CTNNA2: variants seen among roughly 807,000 people sequenced by gnomAD.
CTNNA2 encodes the protein catenin alpha-2.
In CTNNA2, 42 loss-of-function variants were observed where a neutral mutation model predicts 101.0. That is an observed-to-expected ratio of 0.42 (90% CI 0.32 to 0.54). The LOEUF (loss-of-function observed/expected upper bound fraction) is 0.54. CTNNA2 is among the 20% of genes least tolerant of loss of function. CTNNA2 has a pLI of 0.14. For missense variants in CTNNA2, 871 were observed against 1,223.1 expected (o/e 0.71, Z 4.29); for synonymous variants, 450 against 456.4 (o/e 0.99, Z 0.18).
At chr2:80,121,461 A>G (rs374713897) in intron 7 of CTNNA2, among the ~76,000 whole-genome samples, 95 of 152,352 alleles carry the variant, frequency 6.2e-4, no homozygotes, top group African/African-American at 2.0e-3. Flanking sequence ...ATTAACGTCT[A>G]TCAGAACCAT....
chr2:80,353,904 GA>G (rs1238394952), intron 7 of CTNNA2, among the ~76,000 whole-genome samples: 3 of 152,018 alleles, frequency 2.0e-5, no homozygotes, highest in African/African-American at 7.2e-5. Context: ...GCTTAAATAT[GA>G]AAAAAATAAA....
intron 9 of CTNNA2, among the ~76,000 whole-genome samples, chr2:80,452,735 A>C (rs1356053101): frequency 6.6e-6 from 1 of 151,606 alleles, no homozygotes; most frequent in African/African-American, 2.4e-5. Context: ...TGAAATATTC[A>C]AACTATCAGC....
At chr2:80,403,093 A>G (rs970236345) in intron 8 of CTNNA2, among the ~76,000 whole-genome samples, 3 of 152,234 alleles carry the variant, frequency 2.0e-5, no homozygotes, top group Non-Finnish European at 2.9e-5. Context: ...ACAAAACATC[A>G]ATGTTGTAAA....
At chr2:80,141,251 A>C (rs1702990907) in intron 7 of CTNNA2, among the ~76,000 whole-genome samples, 1 of 151,978 alleles carries the variant, frequency 6.6e-6, no homozygotes, top group Non-Finnish European at 1.5e-5. Context: ...AAAGCCCTCA[A>C]ATAAATATTA....
At chr2:80,388,111 C>T (rs1677181945) in intron 7 of CTNNA2, among the ~76,000 whole-genome samples, 1 of 152,132 alleles carries the variant, frequency 6.6e-6, no homozygotes, top group African/African-American at 2.4e-5. Flanking sequence ...TGAAGAGAAA[C>T]ACATGAAACT....
At chr2:80,550,496 C>T (rs183734907) in intron 11 of CTNNA2, among the ~76,000 whole-genome samples, 17 of 152,350 alleles carry the variant, frequency 1.1e-4, no homozygotes, top group Admixed American at 6.5e-4. Context: ...ACTTTATCCA[C>T]AGTAGAACTT....
chr2:79,727,768 C>T (rs1686943714), intron 2 of CTNNA2, among the ~76,000 whole-genome samples: 1 of 141,320 alleles, frequency 7.1e-6, no homozygotes, highest in African/African-American at 2.7e-5. Flanking sequence ...TGATGTTCCC[C>T]TTCCTGTGTC....
chr2:80,411,359 A>G (rs1679556438), intron 8 of CTNNA2, among the ~76,000 whole-genome samples: 1 of 152,024 alleles, frequency 6.6e-6, no homozygotes, highest in Admixed American at 6.6e-5. Context: ...TTCTACTCCC[A>G]GAGTAGGGAT....
intron 7 of CTNNA2, among the ~76,000 whole-genome samples, chr2:80,211,649 A>G (rs570278804): frequency 2.8e-4 from 43 of 152,250 alleles, no homozygotes; most frequent in African/African-American, 9.9e-4. Context: ...GTCAGGTAGC[A>G]TGATGCCTCT....
chr2:79,516,793 C>T (rs1007206293), intron 1 of CTNNA2, among the ~76,000 whole-genome samples: 1 of 152,132 alleles, frequency 6.6e-6, no homozygotes, highest in African/African-American at 2.4e-5. Flanking sequence ...TTGACCTTTG[C>T]TGAACAATAA....
At chr2:80,081,152 C>G (rs1193688452) in intron 7 of CTNNA2, among the ~76,000 whole-genome samples, 1 of 151,314 alleles carries the variant, frequency 6.6e-6, no homozygotes, top group Non-Finnish European at 1.5e-5. Context: ...AAGAACTTCC[C>G]CTTAATAAAA....
intron 3 of CTNNA2, among the ~76,000 whole-genome samples, chr2:79,794,190 A>G (rs537612716): frequency 2.6e-5 from 4 of 152,288 alleles, no homozygotes; most frequent in Non-Finnish European, 2.9e-5. Flanking sequence ...GTTAGGAGAG[A>G]AAGAAAACAG....
rs1674682594 is a variant in CTNNA2, at chr2:79,560,062, A to T, written c.-6+46855A>T. On this transcript the variant is annotated intron_variant, in intron 1 of 18. Coordinates refer to ENST00000402739, the MANE Select transcript of CTNNA2 (RefSeq NM_001282597.3). ...TCCAAGAAAGTCTTTGTGCATTAGA[A>T]ACAGAACAGGGAAGAAACGTCAGCT... 2.0e-5 allele frequency among the ~76,000 whole-genome samples: 3 copies of T among 150,756 alleles called. No homozygotes were observed. In the South Asian group the frequency reaches 6.3e-4, roughly 32 times the overall value.
In CTNNA2 at chr2:80,209,850, TAGTATTTATATATC is replaced by T. The variant is rs146645071; in HGVS notation, c.1057-183359_1057-183346del. Among the ~76,000 whole-genome samples, 1,217 of 152,312 alleles carry T rather than the reference TAGTATTTATATATC, an allele frequency of 8.0e-3. 13 individuals are homozygous for T. Among genetic ancestry groups the T allele is most frequent in the African/African-American group, 0.028 (1,154 of 41,578 alleles). On this transcript the variant is annotated intron_variant, in intron 7 of 18. Coordinates refer to ENST00000402739, the MANE Select transcript of CTNNA2 (RefSeq NM_001282597.3). ...AAACCCGAATGCTAGCATAGACCTG[TAGTATTTATATATC>T]ATTTTTTTGATTACAAAAATATTGG...
chr2:79,423,762 G>C (rs193052357), intron 4 of CTNNA2, among the ~76,000 whole-genome samples: 1 of 152,182 alleles, frequency 6.6e-6, no homozygotes, highest in African/African-American at 2.4e-5. Flanking sequence ...ACAGAATTAA[G>C]TTCCCACCAG....
chr2:79,371,405 G>A (rs1005768322), intron 3 of CTNNA2, among the ~76,000 whole-genome samples: 8 of 151,996 alleles, frequency 5.3e-5, no homozygotes, highest in Non-Finnish European at 1.0e-4. Flanking sequence ...AGCAGACAGA[G>A]GGAAAAGACT....
At chr2:79,636,121 T>G (rs1268637104) in intron 1 of CTNNA2, among the ~76,000 whole-genome samples, 6 of 136,160 alleles carry the variant, frequency 4.4e-5, no homozygotes, top group African/African-American at 1.1e-4. Flanking sequence ...AAAAAAAAAA[T>G]TAGCCGGGCG....
intron 3 of CTNNA2, among the ~76,000 whole-genome samples, chr2:79,823,089 C>T (rs1013020930): frequency 6.6e-6 from 1 of 152,186 alleles, no homozygotes; most frequent in African/African-American, 2.4e-5. Flanking sequence ...GGGTCAGATG[C>T]TCCCATCATA....
At chr2:79,785,576 A>T (rs911036925) in intron 3 of CTNNA2, among the ~76,000 whole-genome samples, 1 of 152,210 alleles carries the variant, frequency 6.6e-6, no homozygotes, top group African/African-American at 2.4e-5. Flanking sequence ...AAATGATTCT[A>T]TGAAAAGCTG....
Sources: allele counts gnomAD v4.1 joint callset (sites outside exome capture counted in the v4.1 genomes callset), GRCh38; gene constraint gnomAD v4.1.1; transcripts MANE v1.5; gene names NCBI Gene and HGNC (gene_info 2026-07-23, HGNC 2026-07-21).